CALCR: variants seen among roughly 807,000 people sequenced by gnomAD.
CALCR encodes calcitonin receptor.
Under a neutral mutation model 59.5 loss-of-function variants are expected in CALCR, and 47 were observed. The ratio of observed to expected loss-of-function variants is 0.79; its 90% CI spans 0.63 to 1.01. The LOEUF is 1.01. CALCR is among the 50% of genes least tolerant of loss of function. The pLI, the probability that CALCR is intolerant of heterozygous loss-of-function variation, is 0.00. For synonymous variants in CALCR, 213 were observed against 211.3 expected, an observed-to-expected ratio of 1.01 and a Z score of -0.07; for missense variants, 566 against 597.1, an observed-to-expected ratio of 0.95 and a Z score of 0.54.
intron 2 of CALCR, among the ~76,000 whole-genome samples, chr7:93,549,641 T>C (rs1402556994): frequency 1.3e-5 from 2 of 152,192 alleles, no homozygotes; most frequent in Non-Finnish European, 2.9e-5. Flanking sequence ...AATTGAGACT[T>C]TGATTTTAAA....
intron 13 of CALCR, among the ~76,000 whole-genome samples, chr7:93,428,527 G>A (rs189441567): frequency 3.7e-4 from 56 of 152,316 alleles, no homozygotes; most frequent in African/African-American, 1.3e-3. Context: ...TAGGCCGGTC[G>A]TGGTGGCTCA....
chr7:93,472,062 G>A (rs931904451), intron 6 of CALCR, among the ~76,000 whole-genome samples: 2 of 151,750 alleles, frequency 1.3e-5, no homozygotes, highest in African/African-American at 4.8e-5. Flanking sequence ...CCCTTGAAAT[G>A]TTGCCTAATT....
intron 2 of CALCR, among the ~76,000 whole-genome samples, chr7:93,489,898 A>G (rs1801035939): frequency 6.6e-6 from 1 of 151,988 alleles, no homozygotes; most frequent in Non-Finnish European, 1.5e-5. Flanking sequence ...ACTCCTCCCT[A>G]ATTCATTTTA....
At chr7:93,450,550 C>T (rs1584545069) in intron 8 of CALCR, among the ~76,000 whole-genome samples, 1 of 151,922 alleles carries the variant, frequency 6.6e-6, no homozygotes, top group Non-Finnish European at 1.5e-5. Context: ...TAAATTCTGT[C>T]TTATATTATT....
intron 2 of CALCR, among the ~76,000 whole-genome samples, chr7:93,520,967 T>G (rs975559968): frequency 6.6e-6 from 1 of 152,064 alleles, no homozygotes. Flanking sequence ...TCCTGCAAAT[T>G]AGGGGTTTTA....
intron 6 of CALCR, 31 bp downstream of exon 6, chr7:93,472,340 TCTCA>T (rs1247332276): frequency 2.5e-6 from 3 of 1,190,474 alleles, no homozygotes; most frequent in Admixed American, 1.8e-5. Flanking sequence ...ATAATGACAT[TCTCA>T]CTCAATACTG....
chr7:93,560,785 A>C (rs1789727711), intron 2 of CALCR, among the ~76,000 whole-genome samples: 1 of 152,136 alleles, frequency 6.6e-6, no homozygotes, highest in Non-Finnish European at 1.5e-5. Context: ...TTTGGGATGC[A>C]TATAGAATTG....
rs1801004350 is a variant in CALCR, at chr7:93,488,651, G to C, written c.-26-1644C>G. ...GACAAAACAGACTTTAAACCAACAAGATAAAAAAAAAGACAAAGAAGGCCT... is the reference window on the plus strand; with the variant it reads ...GACAAAACAGACTTTAAACCAACAACATAAAAAAAAAGACAAAGAAGGCCT... On this transcript the variant is annotated intron_variant, in intron 2 of 13. Coordinates refer to ENST00000426151, the MANE Select transcript of CALCR (RefSeq NM_001742.4). Among the ~76,000 whole-genome samples the C allele has an allele frequency of 2.2e-5, 3 of 136,592 alleles. No homozygotes were observed. The South Asian group carries it at 7.2e-4, about 33-fold the overall frequency. 89.6% of individuals were successfully genotyped at this position (136,592 alleles called of 152,430 possible).
intron 2 of CALCR, among the ~76,000 whole-genome samples, chr7:93,534,475 C>G (rs1049748552): frequency 6.7e-6 from 1 of 150,374 alleles, no homozygotes; most frequent in Admixed American, 6.6e-5. Flanking sequence ...AGCCTGACTC[C>G]TTCAAAAATA....
intron 2 of CALCR, among the ~76,000 whole-genome samples, chr7:93,503,544 T>A (rs966185602): frequency 6.6e-6 from 1 of 152,144 alleles, no homozygotes; most frequent in Non-Finnish European, 1.5e-5. Context: ...TTTGATTTGA[T>A]TTTGCTTGCC....
At chr7:93,526,524 G>A (rs1801880959) in intron 2 of CALCR, among the ~76,000 whole-genome samples, 1 of 148,870 alleles carries the variant, frequency 6.7e-6, no homozygotes, top group African/African-American at 2.5e-5. Flanking sequence ...CAATTTATAT[G>A]TATATTATGA....
At chr7:93,508,389 G>A (rs1205935145) in intron 2 of CALCR, among the ~76,000 whole-genome samples, 1 of 152,154 alleles carries the variant, frequency 6.6e-6, no homozygotes, top group Non-Finnish European at 1.5e-5. Flanking sequence ...ACAAAGGAGG[G>A]TGGAACATTA....
At chr7:93,516,263 T>G (rs1801648571) in intron 2 of CALCR, among the ~76,000 whole-genome samples, 2 of 151,968 alleles carry the variant, frequency 1.3e-5, no homozygotes, top group Admixed American at 1.3e-4. Context: ...GATGGCACAG[T>G]TGGATGAACC....
chr7:93,452,041 G>GT (rs1412241766), intron 8 of CALCR, among the ~76,000 whole-genome samples: 1 of 151,920 alleles, frequency 6.6e-6, no homozygotes, highest in Admixed American at 6.6e-5. Context: ...AGAGAGGAAG[G>GT]TATGTGTTGA....
intron 5 of CALCR, among the ~76,000 whole-genome samples, chr7:93,472,744 A>G (rs949203847): frequency 2.0e-5 from 3 of 151,106 alleles, no homozygotes; most frequent in African/African-American, 7.4e-5. Flanking sequence ...AGACAGTGAG[A>G]GGAGTCATGG....
intron 2 of CALCR, among the ~76,000 whole-genome samples, chr7:93,487,486 T>G (rs1800971253): frequency 6.6e-6 from 1 of 151,440 alleles, no homozygotes; most frequent in African/African-American, 2.4e-5. Flanking sequence ...TTTGAGTAAT[T>G]TTCTTTCCTA....
chr7:93,535,697 A>G (rs56908084), intron 2 of CALCR, among the ~76,000 whole-genome samples: 3,889 of 151,864 alleles, frequency 0.026, 169 homozygotes, highest in African/African-American at 0.089. Flanking sequence ...AAATAATTTC[A>G]TATTTAAAAC....
At chr7:93,486,293 G>A (rs1800942727) in intron 3 of CALCR, among the ~76,000 whole-genome samples, 2 of 151,614 alleles carry the variant, frequency 1.3e-5, no homozygotes, top group African/African-American at 4.8e-5. Flanking sequence ...GGCATTGATA[G>A]TGTTCTCTAA....
intron 8 of CALCR, among the ~76,000 whole-genome samples, chr7:93,446,763 A>G (rs1166517661): frequency 6.6e-6 from 1 of 152,028 alleles, no homozygotes; most frequent in Non-Finnish European, 1.5e-5. Context: ...ATCAGATCAA[A>G]TAAGCTAAGC....
Sources: gnomAD v4.1 joint callset for allele counts (sites outside exome capture counted in the v4.1 genomes callset) on GRCh38, gnomAD v4.1.1 for gene constraint, MANE v1.5 for transcripts, NCBI Gene and HGNC (gene_info 2026-07-23, HGNC 2026-07-21) for gene names.